The following CACNA2D3 variants were observed in gnomAD, a reference collection of about 807,000 sequenced individuals.
The protein encoded by CACNA2D3 is calcium voltage-gated channel auxiliary subunit alpha2delta 3, also known as voltage-dependent calcium channel subunit alpha-2/delta-3.
In CACNA2D3, 60 loss-of-function variants were observed where a neutral mutation model predicts 160.6. The ratio of observed to expected loss-of-function variants is 0.37; its 90% CI spans 0.30 to 0.46. The LOEUF (loss-of-function observed/expected upper bound fraction) is 0.46, where lower values mean the gene tolerates loss of function less well. Ranked by LOEUF, CACNA2D3 falls within the 20% of genes least tolerant of loss-of-function variation. The pLI, the probability that CACNA2D3 is intolerant of heterozygous loss-of-function variation, is 1.00. For synonymous variants in CACNA2D3, 558 were observed against 492.9 expected, an observed-to-expected ratio of 1.13 and a Z score of -1.75; for missense variants, 1,205 against 1,365.0, an observed-to-expected ratio of 0.88 and a Z score of 1.85.
At chr3:54,819,848 A>ACAC (rs1703547308) in intron 14 of CACNA2D3, among the ~76,000 whole-genome samples, 1 of 151,484 alleles carries the variant, frequency 6.6e-6, no homozygotes, top group East Asian at 1.9e-4. Context: ...CACCTCAAAA[A>ACAC]ACACACACAC....
intron 5 of CACNA2D3, among the ~76,000 whole-genome samples, chr3:54,518,710 A>G (rs1485004747): frequency 6.6e-6 from 1 of 152,222 alleles, no homozygotes; most frequent in Non-Finnish European, 1.5e-5. Context: ...TACTATGAGA[A>G]GTTGTTTCAA....
chr3:54,812,160 C>T (rs1703335188), intron 13 of CACNA2D3, among the ~76,000 whole-genome samples: 1 of 152,168 alleles, frequency 6.6e-6, no homozygotes, highest in Non-Finnish European at 1.5e-5. Context: ...CTTTTAAAGA[C>T]ACTATCTGGA....
At chr3:54,145,969 A>G (rs1050181289) in intron 2 of CACNA2D3, among the ~76,000 whole-genome samples, 8 of 151,872 alleles carry the variant, frequency 5.3e-5, no homozygotes, top group Admixed American at 2.0e-4. Context: ...CTTTCTCTTC[A>G]GGTGGGCCTA....
intron 11 of CACNA2D3, among the ~76,000 whole-genome samples, chr3:54,702,931 C>T (rs1045021615): frequency 1.3e-5 from 2 of 152,178 alleles, no homozygotes; most frequent in Non-Finnish European, 2.9e-5. Context: ...TTTGCAGCAA[C>T]ATGGATGCAG....
At chr3:54,458,565 G>T (rs1700440723) in intron 4 of CACNA2D3, among the ~76,000 whole-genome samples, 1 of 151,506 alleles carries the variant, frequency 6.6e-6, no homozygotes, top group Non-Finnish European at 1.5e-5. Flanking sequence ...CTTTGTATGT[G>T]ATTTGATGTT....
chr3:54,599,820 C>T lies in CACNA2D3; in HGVS notation c.963+17943C>T, dbSNP rs1520570. On this transcript the variant is annotated intron_variant, in intron 9 of 37. Coordinates refer to ENST00000474759, the MANE Select transcript of CACNA2D3 (RefSeq NM_018398.3). ...TAGTGCCGCGTGGCTTCACTCTGCT[C>T]GTTCCTTAGGTCTGGGTCTCAGTGC... Among the ~76,000 whole-genome samples the T allele has an allele frequency of 1.6e-4, 25 of 152,286 alleles. No homozygotes were observed. The East Asian group carries it at 3.5e-3, about 21-fold the overall frequency.
rs139074076 is a variant in CACNA2D3 at position 55,024,642 on chromosome 3, C to T, written c.2987+6325C>T. Among the ~76,000 whole-genome samples, 80 of 152,264 alleles carry T rather than the reference C, an allele frequency of 5.3e-4. No individual in the cohort carries two copies. The East Asian group carries it at 0.014, about 26-fold the overall frequency. ...TGCTGGTGTCTTGATCTTGGGATTCCCAGCCTCCAAAACTGTGAGCAATAA... is the reference window on the plus strand; with the variant it reads ...TGCTGGTGTCTTGATCTTGGGATTCTCAGCCTCCAAAACTGTGAGCAATAA... On this transcript the variant is annotated intron_variant, in intron 35 of 37. Coordinates refer to ENST00000474759, the MANE Select transcript of CACNA2D3 (RefSeq NM_018398.3).
chr3:54,838,465 T>C (rs554818446), intron 15 of CACNA2D3, 103 bp from the exon 16 acceptor site: 22 of 886,864 alleles, frequency 2.5e-5, no homozygotes, highest in Non-Finnish European at 3.4e-5. Flanking sequence ...CTGTATCAGT[T>C]TGGGGAAGGC....
intron 27 of CACNA2D3, among the ~76,000 whole-genome samples, chr3:54,923,948 C>A (rs1170820830): frequency 6.6e-6 from 1 of 152,220 alleles, no homozygotes; most frequent in Non-Finnish European, 1.5e-5. Flanking sequence ...ATGGGCATGG[C>A]TGTGTTCCAA....
At chr3:54,522,938 TTAC>T (rs1390793609) in intron 5 of CACNA2D3, among the ~76,000 whole-genome samples, 2,675 of 123,352 alleles carry the variant, frequency 0.022, 68 homozygotes, top group East Asian at 0.099. Context: ...ATTTATTTAC[TTAC>T]TTACTTACTT....
chr3:54,909,392 G>C (rs778842283), intron 27 of CACNA2D3, among the ~76,000 whole-genome samples: 1 of 151,824 alleles, frequency 6.6e-6, no homozygotes, highest in Non-Finnish European at 1.5e-5. Context: ...AAATCTCCTA[G>C]TGACCTTGTT....
At chr3:54,642,386 A>G in intron 11 of CACNA2D3, 145 bp downstream of exon 11, 1 of 486,584 alleles carries the variant, frequency 2.1e-6, no homozygotes. Flanking sequence ...TTGGTTGACC[A>G]AAACTGAAGA....
chr3:54,147,563 C>T lies in CACNA2D3; in HGVS notation c.204+23969C>T, dbSNP rs972268197. On this transcript the variant is annotated intron_variant, in intron 2 of 37. Transcript: ENST00000474759. ...TGGCTCCAAATGGCCTGGGCCAGAG[C>T]CTGACTCTTCCATACTCTGTGTGAC... Among the ~76,000 whole-genome samples the T allele has an allele frequency of 2.6e-5, 4 of 152,240 alleles. 1 individual carries two copies. Among genetic ancestry groups the T allele is most frequent in the Admixed American group, 2.0e-4 (3 of 15,284 alleles).
intron 11 of CACNA2D3, among the ~76,000 whole-genome samples, chr3:54,715,614 C>T (rs1046441219): frequency 7.2e-5 from 11 of 151,974 alleles, no homozygotes; most frequent in Admixed American, 6.5e-4. Flanking sequence ...TATCTAGGGG[C>T]CCTCAGCCAC....
At chr3:54,837,907 A>G (rs974597981) in intron 15 of CACNA2D3, among the ~76,000 whole-genome samples, 2 of 152,198 alleles carry the variant, frequency 1.3e-5, no homozygotes, top group African/African-American at 4.8e-5. Flanking sequence ...CAAAGATGCT[A>G]TTTCCAAATA....
chr3:54,936,383 T>G (rs1231997238), intron 27 of CACNA2D3, among the ~76,000 whole-genome samples: 1 of 152,194 alleles, frequency 6.6e-6, no homozygotes, highest in Non-Finnish European at 1.5e-5. Flanking sequence ...TAGAATCAAG[T>G]GCAATCTCAG....
intron 27 of CACNA2D3, among the ~76,000 whole-genome samples, chr3:54,933,244 C>T (rs1235903470): frequency 6.6e-6 from 1 of 152,206 alleles, no homozygotes; most frequent in Non-Finnish European, 1.5e-5. Context: ...CAATGGGGCA[C>T]ATAGTGCTAA....
chr3:54,133,039 T>C (rs181333374), intron 2 of CACNA2D3, among the ~76,000 whole-genome samples: 27 of 152,242 alleles, frequency 1.8e-4, no homozygotes, highest in African/African-American at 6.0e-4. Flanking sequence ...TACCAGCAAG[T>C]GTTGGTTGCT....
chr3:54,875,646 C>T (rs1342900381), intron 18 of CACNA2D3: 2 of 152,202 alleles, frequency 1.3e-5, no homozygotes, highest in East Asian at 1.9e-4. Context: ...TGGCTTCCAC[C>T]TGTAACGAGG....
Sources: gnomAD v4.1 joint callset for allele counts (sites outside exome capture counted in the v4.1 genomes callset) on GRCh38, gnomAD v4.1.1 for gene constraint, MANE v1.5 for transcripts, NCBI Gene and HGNC (gene_info 2026-07-23, HGNC 2026-07-21) for gene names.